RMDN1: variants seen among roughly 807,000 people sequenced by gnomAD.
The protein encoded by RMDN1 is regulator of microtubule dynamics 1, also known as regulator of microtubule dynamics protein 1.
Under a neutral mutation model 48.9 loss-of-function variants are expected in RMDN1, and 48 were observed. The ratio of observed to expected loss-of-function variants is 0.98; its 90% confidence interval spans 0.78 to 1.25. The LOEUF (loss-of-function observed/expected upper bound fraction) is 1.25, where lower values mean the gene tolerates loss of function less well. Ranked by LOEUF, RMDN1 falls within the 50% of genes most tolerant of loss-of-function variation. RMDN1 has a pLI of 0.00. For missense variants in RMDN1, 418 were observed against 373.4 expected (o/e 1.12, Z -0.98); for synonymous variants, 148 against 132.6 (o/e 1.12, Z -0.80).
chr8:86,506,359 G>A (rs964389483), intron 2 of RMDN1, among the ~76,000 whole-genome samples: 29 of 152,056 alleles, frequency 1.9e-4, no homozygotes, highest in African/African-American at 6.5e-4. Flanking sequence ...TTATCTAAAG[G>A]TGTGTTGTTG....
At chr8:86,502,855 T>G (rs978389492) in intron 2 of RMDN1, among the ~76,000 whole-genome samples, 2 of 152,132 alleles carry the variant, frequency 1.3e-5, no homozygotes, top group Non-Finnish European at 2.9e-5. Context: ...TCCCCCCAAC[T>G]CTTCAAACTC....
At chr8:86,477,191 G>A (rs1813520244) in intron 8 of RMDN1, 103 bp downstream of exon 8, 1 of 772,822 alleles carries the variant, frequency 1.3e-6, no homozygotes, top group Non-Finnish European at 2.0e-6. Context: ...ACAAAAATAA[G>A]TATAACAGAA....
At chr8:86,489,573 T>G (rs1232674722) in intron 2 of RMDN1, among the ~76,000 whole-genome samples, 1 of 152,174 alleles carries the variant, frequency 6.6e-6, no homozygotes, top group African/African-American at 2.4e-5. Context: ...GGCTCACATC[T>G]GTAATCCTAG....
chr8:86,489,514 T>G (rs574584319), intron 2 of RMDN1, among the ~76,000 whole-genome samples: 2 of 152,162 alleles, frequency 1.3e-5, no homozygotes, highest in African/African-American at 4.8e-5. Flanking sequence ...TATACTTTAA[T>G]TAATCACAGT....
At chr8:86,486,411 A>G in intron 4 of RMDN1, 73 bp downstream of exon 4, 6 of 1,083,062 alleles carry the variant, frequency 5.5e-6, no homozygotes, top group Non-Finnish European at 7.4e-6. Context: ...TTCCAATGTA[A>G]ATCAGAGATA....
intron 7 of RMDN1, chr8:86,478,638 CA>C: frequency 5.3e-6 from 2 of 376,034 alleles, no homozygotes; most frequent in South Asian, 3.1e-5. Context: ...TTTATGACTT[CA>C]ATATAGTTTA....
intron 2 of RMDN1, among the ~76,000 whole-genome samples, chr8:86,506,719 G>A (rs137966076): frequency 1.1e-3 from 172 of 152,126 alleles, no homozygotes; most frequent in African/African-American, 3.9e-3. Context: ...CTCTGGTCAC[G>A]GAGACTTCAA....
At chr8:86,481,846 G>T (rs1586630044) in intron 5 of RMDN1, 1 of 854,956 alleles carries the variant, frequency 1.2e-6, no homozygotes, top group South Asian at 2.9e-5. Flanking sequence ...GTGTTAGTTG[G>T]AGCAGTATTT....
intron 1 of RMDN1, 58 bp from the exon 2 acceptor site, chr8:86,507,170 C>A: frequency 2.0e-6 from 2 of 1,009,324 alleles, no homozygotes; most frequent in Non-Finnish European, 3.1e-6. Context: ...GTACTGCTAC[C>A]CCAAGCAAAA....
chr8:86,478,794 C>T (rs1813837043), intron 7 of RMDN1, 129 bp downstream of exon 7: 1 of 766,932 alleles, frequency 1.3e-6, no homozygotes, highest in African/African-American at 1.7e-5. Context: ...TGTGATAACA[C>T]AGTTGAATTG....
Position 86,477,307 on chromosome 8 carries a change from G to C in RMDN1, c.747C>G (p.His249Gln). Residue 249 changes from histidine (H) to glutamine (Q), a missense_variant, in exon 8 of 10, where the codon CAC becomes CAG. His to Gln is a conservative substitution (Grantham distance 24). Coordinates refer to ENST00000406452, the MANE Select transcript of RMDN1 (RefSeq NM_016033.3). ...STYEKALGYF[H>Q]RAEQVDPNFY... The stretch of plus-strand genomic sequence containing the variant: ...AAAATACCTTACCTTGTTCTGCCCT[G>C]TGAAAGTAGCCTAAGGCCTGTCAAA... 2 of 1,602,232 alleles carry C rather than the reference G, an allele frequency of 1.2e-6. No individual in the cohort carries two copies. The highest frequency in any genetic ancestry group is 1.7e-6 in the Non-Finnish European group (2 of 1,174,340).
chr8:86,468,399 A>G (rs1337356204), downstream of RMDN1: 1 of 452,110 alleles, frequency 2.2e-6, no homozygotes, highest in Non-Finnish European at 4.4e-6. Context: ...AATCCTTATT[A>G]TGAACACTCT....
In RMDN1 at chr8:86,473,946, A is replaced by G; in HGVS notation, c.*362T>C. 9.9e-7 allele frequency: 1 copy of G among 1,011,662 alleles called. No individual in the cohort carries two copies. The highest frequency in any genetic ancestry group is 1.2e-6 in the Non-Finnish European group (1 of 846,886). The allele number at this position is 1,011,662 out of a possible 1,614,324, so 62.7% of individuals were successfully genotyped here. A position where few individuals can be genotyped will look rare whatever the true frequency, so the allele number is the denominator to read the frequency against. On this transcript the variant is annotated 3_prime_UTR_variant, in exon 10 of 10. Coordinates refer to ENST00000406452, the MANE Select transcript of RMDN1 (RefSeq NM_016033.3). ...AACTTAGAATCAATCCAATTTGAAAATCCATCCCCCTGTATATCCCCTATA... is the reference window on the plus strand; with the variant it reads ...AACTTAGAATCAATCCAATTTGAAAGTCCATCCCCCTGTATATCCCCTATA...
chr8:86,474,536 T>A, intron 9 of RMDN1, 178 bp from the exon 10 acceptor site: 1 of 690,288 alleles, frequency 1.4e-6, no homozygotes, highest in African/African-American at 1.8e-5. Context: ...TTAGTACACA[T>A]CCCATGACTT....
Position 86,492,301 on chromosome 8 carries a change from A to AC in RMDN1, c.248-3663dup, listed in dbSNP as rs1231601994. Among the ~76,000 whole-genome samples, 4 of 152,310 alleles carry AC rather than the reference A, an allele frequency of 2.6e-5. No individual in the cohort carries two copies. The South Asian group carries it at 6.2e-4, about 24-fold the overall frequency. The stretch of plus-strand genomic sequence containing the variant: ...ATTTTACACATGAGCTTTCATATGC[A>AC]CAAAGAGTACTATGAATGTATTAGC... On this transcript the variant is annotated intron_variant, in intron 2 of 9. Transcript: ENST00000406452.
chr8:86,481,144 A>C (rs1586624291), intron 5 of RMDN1, among the ~76,000 whole-genome samples: 1 of 152,276 alleles, frequency 6.6e-6, no homozygotes, highest in East Asian at 1.9e-4. Flanking sequence ...TCAGTTTAGT[A>C]ATGTGTGAGG....
At chr8:86,481,869 A>G in intron 5 of RMDN1, 1 of 738,132 alleles carries the variant, frequency 1.4e-6, no homozygotes, top group Non-Finnish European at 2.1e-6. Context: ...TTTTAAAAAC[A>G]TCAAGGTAGA....
chr8:86,508,300 C>T, intron 1 of RMDN1, 192 bp downstream of exon 1: 1 of 541,828 alleles, frequency 1.8e-6, no homozygotes, highest in Non-Finnish European at 3.1e-6. Flanking sequence ...CTCTGACAGC[C>T]CCAGTTAAGG....
chr8:86,504,302 A>T (rs1818898980), intron 2 of RMDN1: 3 of 1,578,432 alleles, frequency 1.9e-6, no homozygotes, highest in Non-Finnish European at 2.6e-6. Flanking sequence ...CAAGACAACC[A>T]GGAGATGCAA....
Sources: allele counts gnomAD v4.1 joint callset (sites outside exome capture counted in the v4.1 genomes callset), GRCh38; gene constraint gnomAD v4.1.1; transcripts MANE v1.5; gene names NCBI Gene and HGNC (gene_info 2026-07-23, HGNC 2026-07-21).